PLXNC1: variants seen among roughly 807,000 people sequenced by gnomAD.
PLXNC1 encodes plexin-C1.
A neutral mutation model predicts 178.2 loss-of-function variants in PLXNC1; 75 were observed. The observed-to-expected ratio is 0.42, with a 90% confidence interval of 0.35 to 0.51. The LOEUF (loss-of-function observed/expected upper bound fraction) is 0.51. Ranked by LOEUF, PLXNC1 falls within the 20% of genes least tolerant of loss-of-function variation. The probability of loss-of-function intolerance (pLI) is 0.02; values close to 1 mark genes in which losing one functional copy is unlikely to be tolerated. For synonymous variants in PLXNC1, 790 were observed against 779.9 expected (o/e 1.01, Z -0.22); for missense variants, 1,503 against 1,984.4 (o/e 0.76, Z 4.61).
At chr12:94,166,952 TG>T (rs1340046769) in intron 1 of PLXNC1, among the ~76,000 whole-genome samples, 1 of 152,020 alleles carries the variant, frequency 6.6e-6, no homozygotes, top group Non-Finnish European at 1.5e-5. Flanking sequence ...TCTGTAGAGA[TG>T]GGGGTCTTGC....
rs757977402 is a variant in PLXNC1 at position 94,251,540 on chromosome 12, G to C, written c.2881+12G>C. ...GATTGTCATTTTTGGTAAGTGCCCT[G>C]TTTAATTTTGTCAGAGAAATTATTC... On this transcript the variant is annotated intron_variant, in intron 15 of 30. Transcript: ENST00000258526. 3.9e-6 allele frequency: 6 copies of C among 1,526,538 alleles called. No homozygotes were observed. In the South Asian group the frequency reaches 5.6e-5, roughly 14 times the overall value. The allele number at this position is 1,526,538 out of a possible 1,614,324, so 94.6% of individuals were successfully genotyped here.
chr12:94,198,671 G>A (rs551476428), intron 4 of PLXNC1, among the ~76,000 whole-genome samples: 3 of 152,274 alleles, frequency 2.0e-5, no homozygotes, highest in Admixed American at 2.0e-4. Context: ...TCCCTCTGGA[G>A]GCTATAGGGG....
intron 2 of PLXNC1, among the ~76,000 whole-genome samples, chr12:94,178,685 A>G (rs1428920964): frequency 6.6e-6 from 1 of 152,160 alleles, no homozygotes; most frequent in East Asian, 1.9e-4. Flanking sequence ...CTACATCTGT[A>G]CTCTCCAGTA....
intron 20 of PLXNC1, among the ~76,000 whole-genome samples, chr12:94,263,419 G>C (rs1413845748): frequency 6.6e-6 from 1 of 152,160 alleles, no homozygotes. Context: ...CTACTCTCCA[G>C]AAAGTTCTGG....
chr12:94,283,199 T>C (rs1221341793), intron 23 of PLXNC1, among the ~76,000 whole-genome samples: 2 of 152,138 alleles, frequency 1.3e-5, no homozygotes, highest in African/African-American at 4.8e-5. Flanking sequence ...TTGCGTGTAG[T>C]AGTGCTGTGT....
chr12:94,153,050 T>C (rs1272037493), intron 1 of PLXNC1, among the ~76,000 whole-genome samples: 2 of 152,266 alleles, frequency 1.3e-5, no homozygotes, highest in African/African-American at 4.8e-5. Flanking sequence ...TCTTCTGTGA[T>C]ATTTGTACAG....
chr12:94,278,062 C>T, intron 21 of PLXNC1: 1 of 456,084 alleles, frequency 2.2e-6, no homozygotes, highest in South Asian at 1.5e-5. Context: ...GGAGCCCCCC[C>T]TCCCTCTGTC....
rs551622544 is a variant in PLXNC1, at chr12:94,233,491, G to A, written c.1981-4173G>A. ...TTCGGAGGGTGGGCTTGGCAGCCAA[G>A]TCAGCCTCCTTTTAGAGTCTGCAGC... is the stretch of plus-strand genomic sequence containing the variant. On this transcript the variant is annotated intron_variant, in intron 9 of 30. Transcript: ENST00000258526. 1.6e-3 allele frequency among the ~76,000 whole-genome samples: 247 copies of A among 152,332 alleles called. 4 individuals carry two copies. Among genetic ancestry groups the A allele is most frequent in the African/African-American group, 5.9e-3 (244 of 41,574 alleles).
At chr12:94,281,214 G>A (rs986766818) in intron 22 of PLXNC1, among the ~76,000 whole-genome samples, 1 of 152,194 alleles carries the variant, frequency 6.6e-6, no homozygotes, top group Non-Finnish European at 1.5e-5. Flanking sequence ...GGGAGGCAGA[G>A]GTTGCAGTGA....
chr12:94,216,261 T>C (rs1320894259), intron 5 of PLXNC1, among the ~76,000 whole-genome samples: 1 of 86,546 alleles, frequency 1.2e-5, no homozygotes, highest in Non-Finnish European at 2.6e-5. Flanking sequence ...AGAGCAAAAC[T>C]GTGTCTCAAA....
intron 1 of PLXNC1, among the ~76,000 whole-genome samples, chr12:94,153,201 C>G (rs915125270): frequency 1.3e-5 from 2 of 152,218 alleles, no homozygotes; most frequent in Non-Finnish European, 2.9e-5. Context: ...AAGCCCTCCA[C>G]CTTAAATCCA....
rs145862522 is a variant in PLXNC1, at chr12:94,262,434, T to G, written c.3450+1594T>G. On this transcript the variant is annotated intron_variant, in intron 20 of 30. Coordinates refer to ENST00000258526, the MANE Select transcript of PLXNC1 (RefSeq NM_005761.3). ...ACTCTGAGCTTTCAAGGGCTGCTCT[T>G]GGGCATTAGAGGGGTGAGATGTTCA... 5.2e-5 allele frequency: 49 copies of G among 937,984 alleles called. No individual in the cohort carries two copies. In the East Asian group the frequency reaches 5.0e-3, roughly 96 times the overall value. The allele number at this position is 937,984 out of a possible 1,614,324, so 58.1% of individuals were successfully genotyped here.
chr12:94,278,722 GCA>G (rs933045610), intron 21 of PLXNC1, among the ~76,000 whole-genome samples: 2 of 152,164 alleles, frequency 1.3e-5, no homozygotes, highest in Non-Finnish European at 2.9e-5. Flanking sequence ...TTTGGGCCGG[GCA>G]CAGTGGCTCA....
intron 4 of PLXNC1, among the ~76,000 whole-genome samples, chr12:94,205,346 G>T (rs1363574345): frequency 6.6e-6 from 1 of 152,162 alleles, no homozygotes; most frequent in East Asian, 1.9e-4. Flanking sequence ...TACCAGCTGA[G>T]CAGAAACACA....
chr12:94,163,283 G>A (rs144001222), intron 1 of PLXNC1, among the ~76,000 whole-genome samples: 10 of 151,992 alleles, frequency 6.6e-5, no homozygotes, highest in African/African-American at 2.4e-4. Flanking sequence ...GCTTGAACCC[G>A]GGAGTCAGAG....
chr12:94,222,343 G>C (rs1394986394), intron 6 of PLXNC1, among the ~76,000 whole-genome samples: 1 of 152,130 alleles, frequency 6.6e-6, no homozygotes, highest in Admixed American at 6.5e-5. Flanking sequence ...TCAGCCAGCC[G>C]GTGACCATTG....
intron 1 of PLXNC1, among the ~76,000 whole-genome samples, chr12:94,167,218 G>T (rs888932084): frequency 2.0e-5 from 3 of 152,142 alleles, no homozygotes; most frequent in African/African-American, 7.2e-5. Flanking sequence ...CCCACCTCAG[G>T]AAAGGCTACC....
intron 4 of PLXNC1, among the ~76,000 whole-genome samples, chr12:94,187,045 C>A (rs936168978): frequency 6.6e-6 from 1 of 152,236 alleles, no homozygotes; most frequent in Non-Finnish European, 1.5e-5. Context: ...GCGGCTTCCC[C>A]GCCATGGCAG....
intron 4 of PLXNC1, among the ~76,000 whole-genome samples, chr12:94,196,169 G>A (rs1962906168): frequency 6.6e-6 from 1 of 152,142 alleles, no homozygotes; most frequent in South Asian, 2.1e-4. Flanking sequence ...TGAGAGGTGA[G>A]CTACATACAG....
Sources: gnomAD v4.1 joint callset for allele counts (sites outside exome capture counted in the v4.1 genomes callset) on GRCh38, gnomAD v4.1.1 for gene constraint, MANE v1.5 for transcripts, NCBI Gene and HGNC (gene_info 2026-07-23, HGNC 2026-07-21) for gene names.